ALG6: variants seen among roughly 807,000 people sequenced by gnomAD.
ALG6 encodes ALG6 alpha-1,3-glucosyltransferase.
Under a neutral mutation model 66.6 loss-of-function variants are expected in ALG6, and 46 were observed. The ratio of observed to expected loss-of-function variants is 0.69; its 90% CI spans 0.55 to 0.88. The LOEUF (loss-of-function observed/expected upper bound fraction) is 0.88, where lower values mean the gene tolerates loss of function less well. Ranked by LOEUF, ALG6 falls within the 40% of genes least tolerant of loss-of-function variation. The pLI, the probability that ALG6 is intolerant of heterozygous loss-of-function variation, is 0.00. For missense variants in ALG6, 505 were observed against 586.8 expected, an observed-to-expected ratio of 0.86 and a Z score of 1.44; for synonymous variants, 185 against 203.7, an observed-to-expected ratio of 0.91 and a Z score of 0.78.
Position 63,411,236 on chromosome 1 carries a change from A to G in ALG6, c.585A>G (p.Leu195=). The change falls in exon 8 of 15, where the codon TTA becomes TTG. Residue 195 remains leucine, a synonymous_variant. Coordinates refer to ENST00000263440, the MANE Select transcript of ALG6 (RefSeq NM_013339.4). ...CDLLGSLAFC[L]AINYKQMELY... is the part of the protein sequence containing the mutation. ...TCCTAGGGTCACTGGCATTTTGCTT[A>G]GCTATAAATTATAAACAGATGGAAC... The G allele has an allele frequency of 6.2e-7, 1 of 1,613,982 alleles. No individual in the cohort carries two copies. The highest frequency in any genetic ancestry group is 1.1e-5 in the South Asian group (1 of 91,078).
chr1:63,409,717 G>A lies in ALG6; in HGVS notation c.495-1429G>A, dbSNP rs542107022. On this transcript the variant is annotated intron_variant, in intron 7 of 14. Coordinates refer to ENST00000263440, the MANE Select transcript of ALG6 (RefSeq NM_013339.4). Reference sequence around the variant, plus strand: ...TTCTATAAATGTTTATTTTATCCTAGTGTATCTATTTTTATTTAAGAATAA... The same window carrying A: ...TTCTATAAATGTTTATTTTATCCTAATGTATCTATTTTTATTTAAGAATAA... Among the ~76,000 whole-genome samples, 6 of 151,874 alleles carry A rather than the reference G, an allele frequency of 4.0e-5. No individual in the cohort carries two copies. The South Asian group carries it at 8.3e-4, about 21-fold the overall frequency.
intron 2 of ALG6, among the ~76,000 whole-genome samples, chr1:63,386,756 C>T (rs1204609392): frequency 6.6e-6 from 1 of 151,974 alleles, no homozygotes; most frequent in African/African-American, 2.4e-5. Flanking sequence ...TTTTCGAAAA[C>T]CAACTTTTTG....
At chr1:63,420,521 A>G (rs569902338) in intron 12 of ALG6, among the ~76,000 whole-genome samples, 33 of 152,276 alleles carry the variant, frequency 2.2e-4, no homozygotes, top group African/African-American at 6.7e-4. Context: ...GTAACAGTGC[A>G]TGGCTTTAAT....
chr1:63,404,673 T>C (rs557974955), intron 5 of ALG6, 132 bp downstream of exon 5: 3 of 746,734 alleles, frequency 4.0e-6, no homozygotes, highest in African/African-American at 3.5e-5. Context: ...TTTACAAATA[T>C]ACATATTTGT....
intron 12 of ALG6, among the ~76,000 whole-genome samples, chr1:63,422,657 A>G (rs1369615556): frequency 1.3e-5 from 2 of 151,280 alleles, no homozygotes; most frequent in Non-Finnish European, 2.9e-5. Context: ...CTGATTAGGT[A>G]GGGTTAAGAA....
rs76946208 is a variant in ALG6, at chr1:63,394,187, T to C, written c.83-2326T>C. Reference sequence around the variant, plus strand: ...AGCAATAATATGTCATTCTTCAATATGGCACACCTTCCTAATGGGTTAATT... The same window carrying C: ...AGCAATAATATGTCATTCTTCAATACGGCACACCTTCCTAATGGGTTAATT... On this transcript the variant is annotated intron_variant, in intron 2 of 14. Coordinates refer to ENST00000263440, the MANE Select transcript of ALG6 (RefSeq NM_013339.4). Among the ~76,000 whole-genome samples, 1,462 of 152,330 alleles carry C rather than the reference T, an allele frequency of 9.6e-3. 24 individuals carry two copies. Among genetic ancestry groups the C allele is most frequent in the African/African-American group, 0.033 (1,351 of 41,566 alleles).
At chr1:63,381,436 A>G (rs1269053048) in intron 2 of ALG6, among the ~76,000 whole-genome samples, 3 of 152,224 alleles carry the variant, frequency 2.0e-5, no homozygotes, top group African/African-American at 7.2e-5. Flanking sequence ...CCTGGGCGAC[A>G]GAGCGAGACC....
chr1:63,435,803 T>C (rs1387277877), intron 14 of ALG6, among the ~76,000 whole-genome samples: 1 of 152,206 alleles, frequency 6.6e-6, no homozygotes, highest in Non-Finnish European at 1.5e-5. Flanking sequence ...AATAGCCACA[T>C]GTGGTTAGCA....
At chr1:63,409,419 A>G (rs899884021) in intron 7 of ALG6, among the ~76,000 whole-genome samples, 1 of 151,398 alleles carries the variant, frequency 6.6e-6, no homozygotes, top group African/African-American at 2.4e-5. Context: ...TTCTTTGATG[A>G]TTTTCTCACT....
intron 2 of ALG6, among the ~76,000 whole-genome samples, chr1:63,382,451 C>A (rs1648348839): frequency 6.6e-6 from 1 of 151,706 alleles, no homozygotes; most frequent in Non-Finnish European, 1.5e-5. Flanking sequence ...GATCTGCCCG[C>A]CTCAGCGCCC....
At chr1:63,382,127 G>A (rs369207780) in intron 2 of ALG6, among the ~76,000 whole-genome samples, 1 of 150,978 alleles carries the variant, frequency 6.6e-6, no homozygotes, top group African/African-American at 2.4e-5. Context: ...GTACATAGTA[G>A]ATGTACATAT....
In ALG6 at chr1:63,400,285, A is replaced by ATACG. The variant is rs1557587644; in HGVS notation, c.168-1967_168-1966insCGTA. On this transcript the variant is annotated intron_variant, in intron 3 of 14. Coordinates refer to ENST00000263440, the MANE Select transcript of ALG6 (RefSeq NM_013339.4). The stretch of plus-strand genomic sequence containing the variant: ...TATATATACGTATATATATATACGT[A>ATACG]TATATATATACGTATATATATGTAT... Among the ~76,000 whole-genome samples the ATACG allele has an allele frequency of 3.0e-3, 68 of 22,326 alleles. 19 individuals are homozygous for ATACG. In the East Asian group the frequency reaches 0.1, roughly 33 times the overall value. The allele number at this position is 22,326 out of a possible 152,430, so 14.6% of individuals were successfully genotyped here.
At chr1:63,422,273 A>ATC (rs1644585420) in intron 12 of ALG6, among the ~76,000 whole-genome samples, 1 of 55,440 alleles carries the variant, frequency 1.8e-5, no homozygotes, top group Non-Finnish European at 2.9e-5. Flanking sequence ...ATATAAATAT[A>ATC]TATATAAATA....
chr1:63,397,037 G>A (rs1648844678), intron 3 of ALG6, among the ~76,000 whole-genome samples: 1 of 152,086 alleles, frequency 6.6e-6, no homozygotes. Context: ...AAAGGGAGAA[G>A]CCTACAATGA....
At chr1:63,432,624 T>G (rs1462230741) in intron 14 of ALG6, among the ~76,000 whole-genome samples, 1 of 152,252 alleles carries the variant, frequency 6.6e-6, no homozygotes, top group Non-Finnish European at 1.5e-5. Flanking sequence ...ATAGGTGCTC[T>G]GATTTTTGTT....
chr1:63,379,066 A>G (rs2100386899), intron 2 of ALG6, among the ~76,000 whole-genome samples: 1 of 152,154 alleles, frequency 6.6e-6, no homozygotes, highest in South Asian at 2.1e-4. Context: ...AAATTCTCGT[A>G]TCTGCATTCT....
chr1:63,405,586 C>G (rs1008955251), intron 5 of ALG6, among the ~76,000 whole-genome samples: 2 of 152,046 alleles, frequency 1.3e-5, no homozygotes, highest in African/African-American at 2.4e-5. Flanking sequence ...TGAGGACTCT[C>G]GCCACTCTTT....
intron 8 of ALG6, among the ~76,000 whole-genome samples, chr1:63,411,606 A>G (rs182262415): frequency 3.3e-5 from 5 of 152,314 alleles, no homozygotes; most frequent in African/African-American, 1.2e-4. Flanking sequence ...TTTAGAGCTT[A>G]CTACATTATA....
At chr1:63,419,584 C>G (rs1462792893) in intron 12 of ALG6, 144 bp downstream of exon 12, 5 of 675,748 alleles carry the variant, frequency 7.4e-6, no homozygotes, top group Non-Finnish European at 1.1e-5. Context: ...GGTTTTTTTC[C>G]AGAATTTTTG....
Sources: allele counts gnomAD v4.1 joint callset (sites outside exome capture counted in the v4.1 genomes callset), GRCh38; gene constraint gnomAD v4.1.1; transcripts MANE v1.5; gene names NCBI Gene and HGNC (gene_info 2026-07-23, HGNC 2026-07-21).